Variants in SRD5A3 observed in about 807,000 individuals in gnomAD.
SRD5A3 encodes polyprenal reductase.
SRD5A3 carries 24 observed loss-of-function variants against 34.3 expected under a neutral mutation model. The observed-to-expected ratio is 0.70, with a 90% CI of 0.51 to 0.99. The LOEUF is 0.99. Ranked by LOEUF, SRD5A3 falls within the 50% of genes least tolerant of loss-of-function variation. SRD5A3 has a pLI of 0.00. For missense variants in SRD5A3, 350 were observed against 388.2 expected (o/e 0.90, Z 0.83); for synonymous variants, 161 against 167.3 (o/e 0.96, Z 0.29).
intron 1 of SRD5A3, among the ~76,000 whole-genome samples, chr4:55,353,733 T>C (rs556309452): frequency 5.9e-4 from 90 of 151,976 alleles, no homozygotes; most frequent in African/African-American, 2.0e-3. Flanking sequence ...CTTTAAGAGC[T>C]GTAACACTCA....
intron 4 of SRD5A3, among the ~76,000 whole-genome samples, chr4:55,368,779 C>T (rs1215122060): frequency 6.6e-6 from 1 of 151,738 alleles, no homozygotes; most frequent in African/African-American, 2.4e-5. Flanking sequence ...CACTCTGTCA[C>T]CCAGGCTGGA....
intron 1 of SRD5A3, among the ~76,000 whole-genome samples, chr4:55,356,283 ACAGGCC>A (rs1719458659): frequency 6.6e-6 from 1 of 152,154 alleles, no homozygotes. Context: ...TGCTGGGATT[ACAGGCC>A]TGAGCCACTG....
At chr4:55,369,253 C>CT in intron 4 of SRD5A3, among the ~76,000 whole-genome samples, 1 of 152,318 alleles carries the variant, frequency 6.6e-6, no homozygotes, top group Middle Eastern at 3.4e-3. Context: ...CTTGTGCAGT[C>CT]TGACTCTGGA....
intron 1 of SRD5A3, 195 bp from the exon 2 acceptor site, chr4:55,359,150 AG>A: frequency 4.6e-6 from 3 of 648,608 alleles, no homozygotes; most frequent in Non-Finnish European, 7.8e-6. Flanking sequence ...TTTTCCTGAA[AG>A]TTAACTGGTC....
chr4:55,366,890 A>G (rs1719919736), intron 3 of SRD5A3: 1 of 152,604 alleles, frequency 6.6e-6, no homozygotes. Flanking sequence ...CCTTCTTCCT[A>G]GCAGCCGGAG....
At chr4:55,351,218 C>T (rs1459956182) in intron 1 of SRD5A3, among the ~76,000 whole-genome samples, 4 of 151,868 alleles carry the variant, frequency 2.6e-5, no homozygotes, top group Non-Finnish European at 5.9e-5. Context: ...AACACAGGTA[C>T]GTGCCACCAT....
intron 4 of SRD5A3, among the ~76,000 whole-genome samples, chr4:55,368,928 G>A (rs1252302319): frequency 1.3e-5 from 2 of 150,750 alleles, no homozygotes; most frequent in African/African-American, 4.9e-5. Flanking sequence ...TAGTAGAGCT[G>A]GGGTTTCACC....
chr4:55,369,914 G>T lies in SRD5A3; in HGVS notation c.780G>T (p.Leu260=). ...YVSSPNYLAE[L]MIYVSMAVTF... Reference sequence around the variant, plus strand: ...CTTCCCCTAACTACTTAGCAGAGCTGATGATCTACGTTTCCATGGCCGTCA... The same window carrying T: ...CTTCCCCTAACTACTTAGCAGAGCTTATGATCTACGTTTCCATGGCCGTCA... The change falls in exon 5 of 5, where the codon CTG becomes CTT. Residue 260 remains leucine, a synonymous_variant. Transcript: ENST00000264228. 1 of 1,614,152 alleles carries T rather than the reference G, an allele frequency of 6.2e-7. No homozygotes were observed. Among genetic ancestry groups the T allele is most frequent in the South Asian group, 1.1e-5 (1 of 91,074 alleles).
At chr4:55,353,287 C>T (rs11721546) in intron 1 of SRD5A3, among the ~76,000 whole-genome samples, 23,031 of 152,140 alleles carry the variant, frequency 0.15, 2,087 homozygotes, top group Non-Finnish European at 0.2. Flanking sequence ...CACAAATCAG[C>T]GCTCTGTGTC....
In SRD5A3 at chr4:55,363,301, G is replaced by A. The variant is rs1719754994; in HGVS notation, c.365-773G>A. ...TTTTTTTTAATTAGTCAGGTGTGGT[G>A]GCACATGACTATAGTTCTAGCCACT... is the stretch of plus-strand genomic sequence containing the variant. On this transcript the variant is annotated intron_variant, in intron 2 of 4. Coordinates refer to ENST00000264228, the MANE Select transcript of SRD5A3 (RefSeq NM_024592.5). Among the ~76,000 whole-genome samples, 2 of 152,022 alleles carry A rather than the reference G, an allele frequency of 1.3e-5. 1 individual carries two copies. Among genetic ancestry groups the A allele is most frequent in the South Asian group, 4.1e-4 (2 of 4,822 alleles).
chr4:55,355,983 T>C (rs544166320), intron 1 of SRD5A3, among the ~76,000 whole-genome samples: 19 of 150,262 alleles, frequency 1.3e-4, no homozygotes, highest in African/African-American at 4.1e-4. Context: ...ATATGACCAA[T>C]GCTTTCTTTT....
rs1360073137 is a variant in SRD5A3 at position 55,373,064 on chromosome 4, T to G, written c.*2973T>G. 1 of 152,144 alleles carries G rather than the reference T, an allele frequency of 6.6e-6. No individual in the cohort carries two copies. The allele number at this position is 152,144 out of a possible 1,614,324, so 9.4% of individuals were successfully genotyped here. On this transcript the variant is annotated 3_prime_UTR_variant, in exon 5 of 5. Coordinates refer to ENST00000264228, the MANE Select transcript of SRD5A3 (RefSeq NM_024592.5). ...CATTGATAAGTGAGATCACTCAAAA[T>G]GAGCTGATATATTAAAGAAGACCTT...
chr4:55,355,348 C>G (rs938642829), intron 1 of SRD5A3, among the ~76,000 whole-genome samples: 6 of 151,810 alleles, frequency 4.0e-5, no homozygotes, highest in Non-Finnish European at 7.4e-5. Context: ...GTTCCAGCTA[C>G]TCGGGGGGCT....
intron 1 of SRD5A3, among the ~76,000 whole-genome samples, chr4:55,351,337 G>A (rs569502702): frequency 1.8e-4 from 27 of 152,094 alleles, no homozygotes; most frequent in African/African-American, 2.4e-4. Context: ...CTCCCAAAGC[G>A]CCAGGACCAC....
intron 1 of SRD5A3, among the ~76,000 whole-genome samples, chr4:55,355,240 T>C (rs1268874054): frequency 6.6e-6 from 1 of 151,950 alleles, no homozygotes; most frequent in Admixed American, 6.6e-5. Context: ...GGGTGGATCA[T>C]GAGGTTAGGA....
intron 1 of SRD5A3, among the ~76,000 whole-genome samples, chr4:55,355,483 G>T (rs962205129): frequency 4.0e-5 from 6 of 151,354 alleles, no homozygotes; most frequent in African/African-American, 1.5e-4. Flanking sequence ...AATAGAAAAT[G>T]TATAGAGGGA....
intron 2 of SRD5A3, among the ~76,000 whole-genome samples, chr4:55,360,249 G>A (rs1719631324): frequency 1.3e-5 from 2 of 149,556 alleles, no homozygotes; most frequent in South Asian, 4.2e-4. Flanking sequence ...ATTCATACCT[G>A]TAATCCCAGC....
intron 1 of SRD5A3, among the ~76,000 whole-genome samples, chr4:55,358,359 C>T (rs1236562957): frequency 1.3e-5 from 2 of 151,942 alleles, no homozygotes; most frequent in East Asian, 3.9e-4. Context: ...AGGGAGATCA[C>T]ATCTCTATAA....
chr4:55,361,565 G>C (rs1416723581), intron 2 of SRD5A3, among the ~76,000 whole-genome samples: 1 of 151,970 alleles, frequency 6.6e-6, no homozygotes, highest in Non-Finnish European at 1.5e-5. Context: ...ACTTTGGGAG[G>C]CTGAAGCAGG....
Sources: allele counts gnomAD v4.1 joint callset (sites outside exome capture counted in the v4.1 genomes callset), GRCh38; gene constraint gnomAD v4.1.1; transcripts MANE v1.5; gene names NCBI Gene and HGNC (gene_info 2026-07-23, HGNC 2026-07-21).